GRM7: variants seen among roughly 807,000 people sequenced by gnomAD.
GRM7 encodes glutamate metabotropic receptor 7, also known as metabotropic glutamate receptor 7.
A neutral mutation model predicts 84.5 loss-of-function variants in GRM7; 35 were observed. That is an observed-to-expected ratio of 0.41 (90% CI 0.32 to 0.55). The LOEUF is 0.55. Among genes scored for constraint, GRM7 ranks in the 20% least tolerant of loss-of-function variants. The probability of loss-of-function intolerance (pLI) is 0.19; values close to 1 mark genes in which losing one functional copy is unlikely to be tolerated. For missense variants in GRM7, 1,003 were observed against 1,194.6 expected (o/e 0.84, Z 2.36); for synonymous variants, 487 against 455.1 (o/e 1.07, Z -0.89).
chr3:7,259,700 T>C (rs1348828670), intron 2 of GRM7, among the ~76,000 whole-genome samples: 1 of 152,202 alleles, frequency 6.6e-6, no homozygotes, highest in East Asian at 1.9e-4. Flanking sequence ...ATTGGGCATA[T>C]AAGTTGATTC....
At chr3:7,094,430 T>C (rs1698783059) in intron 1 of GRM7, among the ~76,000 whole-genome samples, 1 of 152,110 alleles carries the variant, frequency 6.6e-6, no homozygotes, top group African/African-American at 2.4e-5. Flanking sequence ...TAACAGCAAG[T>C]TTTCCAGGCC....
At chr3:7,206,611 A>T (rs2124833074) in intron 2 of GRM7, among the ~76,000 whole-genome samples, 1 of 152,302 alleles carries the variant, frequency 6.6e-6, no homozygotes. Flanking sequence ...GGAAAAAAAT[A>T]ACCCTGTTGT....
intron 7 of GRM7, among the ~76,000 whole-genome samples, chr3:7,482,136 C>T (rs1457729887): frequency 1.3e-5 from 2 of 152,024 alleles, no homozygotes; most frequent in African/African-American, 2.4e-5. Flanking sequence ...TGCAGTGAGC[C>T]GAGATGGCAC....
At chr3:7,696,511 C>T (rs890219613) in intron 9 of GRM7, among the ~76,000 whole-genome samples, 3 of 152,120 alleles carry the variant, frequency 2.0e-5, no homozygotes, top group Non-Finnish European at 4.4e-5. Context: ...CTCATCATGC[C>T]ATGTTTCCTT....
At chr3:7,317,335 T>G (rs1357788494) in intron 4 of GRM7, among the ~76,000 whole-genome samples, 1 of 152,144 alleles carries the variant, frequency 6.6e-6, no homozygotes, top group Non-Finnish European at 1.5e-5. Context: ...TTTGAGTATC[T>G]TCGAAGAATA....
chr3:7,014,690 T>C (rs1296850579), intron 1 of GRM7, among the ~76,000 whole-genome samples: 1 of 152,198 alleles, frequency 6.6e-6, no homozygotes, highest in African/African-American at 2.4e-5. Flanking sequence ...AAGTCATTTG[T>C]CATTTATTGA....
intron 4 of GRM7, among the ~76,000 whole-genome samples, chr3:7,352,627 G>A (rs964649237): frequency 2.0e-5 from 3 of 152,102 alleles, no homozygotes; most frequent in African/African-American, 7.2e-5. Flanking sequence ...AGAGGACATT[G>A]ATTGGGAAAG....
chr3:7,316,989 C>T (rs959046447), intron 4 of GRM7, among the ~76,000 whole-genome samples: 1 of 151,994 alleles, frequency 6.6e-6, no homozygotes. Flanking sequence ...TGAGGAAGAA[C>T]AAAAATAATA....
At chr3:7,338,194 A>G (rs1701499304) in intron 4 of GRM7, among the ~76,000 whole-genome samples, 1 of 151,910 alleles carries the variant, frequency 6.6e-6, no homozygotes, top group African/African-American at 2.4e-5. Context: ...TGGCATTTGC[A>G]ACAACGTGGA....
At chr3:7,398,877 C>T (rs1191854921) in intron 4 of GRM7, among the ~76,000 whole-genome samples, 2 of 151,624 alleles carry the variant, frequency 1.3e-5, no homozygotes, top group Admixed American at 1.3e-4. Context: ...TGATTCTGTA[C>T]CTTCCTCCCT....
In GRM7 at chr3:7,358,732, AC is replaced by A. The variant is rs1462674618; in HGVS notation, c.1033+52081del. Among the ~76,000 whole-genome samples, 89 of 125,152 alleles carry A rather than the reference AC, an allele frequency of 7.1e-4. 13 individuals carry two copies. Among genetic ancestry groups the A allele is most frequent in the African/African-American group, 3.1e-3 (89 of 29,024 alleles). 82.1% of individuals were successfully genotyped at this position (125,152 alleles called of 152,430 possible). ...TTTGGGATAAGCTTCTCTTTTGAAT[AC>A]ATATTATTTTTTATAGGTGACTGCC... On this transcript the variant is annotated intron_variant, in intron 4 of 9. Transcript: ENST00000357716.
chr3:7,450,926 T>C (rs946840485), intron 5 of GRM7, among the ~76,000 whole-genome samples: 2 of 139,734 alleles, frequency 1.4e-5, no homozygotes, highest in Admixed American at 1.5e-4. Context: ...ACATTTTATG[T>C]TATATGTTAA....
At chr3:7,569,882 G>A (rs962930043) in intron 7 of GRM7, among the ~76,000 whole-genome samples, 60 of 152,152 alleles carry the variant, frequency 3.9e-4, no homozygotes, top group African/African-American at 1.3e-3. Context: ...CTCCGGACAC[G>A]CCGCCTTTAA....
At chr3:7,226,188 G>A (rs185107267) in intron 2 of GRM7, among the ~76,000 whole-genome samples, 3 of 152,172 alleles carry the variant, frequency 2.0e-5, no homozygotes, top group African/African-American at 7.2e-5. Flanking sequence ...TGCACATTTA[G>A]CAACTTAAAA....
chr3:6,864,390 C>G (rs1266391127), intron 1 of GRM7, among the ~76,000 whole-genome samples: 1 of 152,166 alleles, frequency 6.6e-6, no homozygotes, highest in Non-Finnish European at 1.5e-5. Flanking sequence ...ATCTTAGACG[C>G]TCCTGTCATG....
rs1171863877 is a variant in GRM7 at position 7,237,298 on chromosome 3, T to A, written c.737-61386T>A. ...GCCCCTTAACTTTAAGCAGTCCTTCTATTAGGTGTTCTTGGAAATCCTGTA... is the reference window on the plus strand; with the variant it reads ...GCCCCTTAACTTTAAGCAGTCCTTCAATTAGGTGTTCTTGGAAATCCTGTA... On this transcript the variant is annotated intron_variant, in intron 2 of 9. Transcript: ENST00000357716. 4.6e-5 allele frequency among the ~76,000 whole-genome samples: 7 copies of A among 152,342 alleles called. 1 individual carries two copies. The South Asian group carries it at 1.2e-3, about 27-fold the overall frequency.
At chr3:7,190,239 G>A (rs555208847) in intron 2 of GRM7, among the ~76,000 whole-genome samples, 9 of 152,266 alleles carry the variant, frequency 5.9e-5, no homozygotes, top group African/African-American at 2.2e-4. Context: ...AGTTTCAGAA[G>A]CATGGTGATC....
At chr3:6,932,161 G>A (rs1310027852) in intron 1 of GRM7, among the ~76,000 whole-genome samples, 5 of 152,170 alleles carry the variant, frequency 3.3e-5, no homozygotes, top group African/African-American at 1.2e-4. Context: ...AGTTTTATTT[G>A]TGAATCGAAT....
chr3:7,645,236 T>G (rs1698566196), intron 8 of GRM7, among the ~76,000 whole-genome samples: 1 of 151,882 alleles, frequency 6.6e-6, no homozygotes, highest in Non-Finnish European at 1.5e-5. Flanking sequence ...GAAAGCAAAC[T>G]TCAAAGAAGC....
Sources: gnomAD v4.1 joint callset for allele counts (sites outside exome capture counted in the v4.1 genomes callset) on GRCh38, gnomAD v4.1.1 for gene constraint, MANE v1.5 for transcripts, NCBI Gene and HGNC (gene_info 2026-07-23, HGNC 2026-07-21) for gene names.